SORCS2: variants seen among roughly 807,000 people sequenced by gnomAD.
SORCS2 encodes VPS10 domain-containing receptor SorCS2.
SORCS2 carries 100 observed loss-of-function variants against 141.6 expected under a neutral mutation model. That is an observed-to-expected ratio of 0.71 (90% CI 0.60 to 0.83). The LOEUF (loss-of-function observed/expected upper bound fraction) is 0.83, where lower values mean the gene tolerates loss of function less well. Among genes scored for constraint, SORCS2 ranks in the 40% least tolerant of loss-of-function variants. The pLI, the probability that SORCS2 is intolerant of heterozygous loss-of-function variation, is 0.00. For missense variants in SORCS2, 1,646 were observed against 1,560.2 expected (o/e 1.05, Z -0.93); for synonymous variants, 789 against 676.9 (o/e 1.17, Z -2.57).
At chr4:7,733,271 G>T in intron 23 of SORCS2, 51 bp from the exon 24 acceptor site, 1 of 1,394,850 alleles carries the variant, frequency 7.2e-7, no homozygotes, top group African/African-American at 1.5e-5. Flanking sequence ...TTCCCTTTTG[G>T]CAGAGGAGCC....
intron 1 of SORCS2, among the ~76,000 whole-genome samples, chr4:7,223,348 T>C (rs1235299500): frequency 6.6e-6 from 1 of 152,138 alleles, no homozygotes; most frequent in Non-Finnish European, 1.5e-5. Context: ...TTATTCTTTG[T>C]GCACCTAATG....
intron 2 of SORCS2, among the ~76,000 whole-genome samples, chr4:7,469,270 T>TTGGTGATGA (rs1729826608): frequency 6.8e-6 from 1 of 148,064 alleles, no homozygotes; most frequent in African/African-American, 2.6e-5. Flanking sequence ...AATGGTGGTG[T>TTGGTGATGA]TGGTGATGAT....
chr4:7,561,003 A>C (rs1714496948), intron 3 of SORCS2, among the ~76,000 whole-genome samples: 1 of 152,074 alleles, frequency 6.6e-6, no homozygotes. Context: ...ACTGCAGTTA[A>C]TGTATGGGGG....
intron 3 of SORCS2, among the ~76,000 whole-genome samples, chr4:7,541,723 G>A (rs1022655069): frequency 6.6e-6 from 1 of 152,248 alleles, no homozygotes; most frequent in African/African-American, 2.4e-5. Flanking sequence ...CAGCCAGGCT[G>A]AGAGGTGGGG....
intron 3 of SORCS2, among the ~76,000 whole-genome samples, chr4:7,598,887 C>G (rs1717463412): frequency 6.6e-6 from 1 of 152,216 alleles, no homozygotes; most frequent in Non-Finnish European, 1.5e-5. Context: ...TAAGGTGTCA[C>G]TGCCGCAGCA....
At position 7,675,901 on chromosome 4, in the gene SORCS2, C is replaced by A; in HGVS notation, c.1162-149C>A. 3.9e-6 allele frequency: 3 copies of A among 770,686 alleles called. No individual in the cohort carries two copies. In the South Asian group the frequency reaches 5.3e-5, roughly 14 times the overall value. The allele number at this position is 770,686 out of a possible 1,614,324, so 47.7% of individuals were successfully genotyped here. On this transcript the variant is annotated intron_variant, in intron 8 of 26. Transcript: ENST00000507866. The stretch of plus-strand genomic sequence containing the variant: ...TTGTGCAAGGCCACAGAGCCCAGAG[C>A]AGCCGAGCCAGGAGGCAAACCTAGG...
chr4:7,302,498 C>T lies in SORCS2; in HGVS notation c.481-93790C>T, dbSNP rs114144759. Among the ~76,000 whole-genome samples the T allele has an allele frequency of 7.1e-3, 1,079 of 152,302 alleles. 11 individuals carry two copies. The highest frequency in any genetic ancestry group is 0.024 in the African/African-American group (994 of 41,558). On this transcript the variant is annotated intron_variant, in intron 1 of 26. Transcript: ENST00000507866. ...TCTGCCTGGCTCTCTGCCCCTCCTT[C>T]GGGAGCTGCACGGTCCCCACTTTCC... is the stretch of plus-strand genomic sequence containing the variant.
At position 7,364,004 on chromosome 4, in the gene SORCS2, A is replaced by G. The variant is rs1279168819; in HGVS notation, c.481-32284A>G. Reference sequence around the variant, plus strand: ...ATAACCATGCCTCACCATCATCATCACCATCACCACCATTGTGGTGTATCA... The same window carrying G: ...ATAACCATGCCTCACCATCATCATCGCCATCACCACCATTGTGGTGTATCA... On this transcript the variant is annotated intron_variant, in intron 1 of 26. Coordinates refer to ENST00000507866, the MANE Select transcript of SORCS2 (RefSeq NM_020777.3). Among the ~76,000 whole-genome samples, 79 of 108,280 alleles carry G rather than the reference A, an allele frequency of 7.3e-4. 1 individual carries two copies. Among genetic ancestry groups the G allele is most frequent in the Non-Finnish European group, 8.4e-4 (46 of 54,500 alleles). 71.0% of individuals were successfully genotyped at this position (108,280 alleles called of 152,430 possible).
At chr4:7,685,877 C>T (rs1046093226) in intron 10 of SORCS2, among the ~76,000 whole-genome samples, 2 of 151,994 alleles carry the variant, frequency 1.3e-5, no homozygotes, top group Non-Finnish European at 2.9e-5. Flanking sequence ...GAGGACTTAG[C>T]GCTCATAAAA....
At chr4:7,377,269 A>G (rs529751723) in intron 1 of SORCS2, among the ~76,000 whole-genome samples, 1 of 152,104 alleles carries the variant, frequency 6.6e-6, no homozygotes, top group Non-Finnish European at 1.5e-5. Context: ...GGCTTGTTAT[A>G]AAGAAATGCT....
intron 1 of SORCS2, among the ~76,000 whole-genome samples, chr4:7,212,469 G>T (rs1728110986): frequency 3.3e-5 from 5 of 152,216 alleles, no homozygotes; most frequent in Admixed American, 3.3e-4. Flanking sequence ...ATGTCCAGGG[G>T]GCTGGCTTCA....
chr4:7,613,362 C>G (rs182908299), intron 3 of SORCS2, among the ~76,000 whole-genome samples: 25 of 152,336 alleles, frequency 1.6e-4, no homozygotes, highest in Middle Eastern at 3.4e-3. Flanking sequence ...CAGCGGGGCT[C>G]TGCGTGGCCA....
rs115671621 is a variant in SORCS2, at chr4:7,534,697, G to A, written c.648+3068G>A. 8.9e-3 allele frequency among the ~76,000 whole-genome samples: 1,356 copies of A among 152,268 alleles called. 24 individuals carry two copies. The highest frequency in any genetic ancestry group is 0.031 in the African/African-American group (1,306 of 41,540). On this transcript the variant is annotated intron_variant, in intron 3 of 26. Transcript: ENST00000507866. ...GGGCAGGGCCTGGTTGGGGCCACAA[G>A]CCAAGGAAAGCAGGCGCCTCCGGAA...
At chr4:7,653,681 C>A (rs575932387) in intron 4 of SORCS2, among the ~76,000 whole-genome samples, 1 of 152,296 alleles carries the variant, frequency 6.6e-6, no homozygotes, top group South Asian at 2.1e-4. Context: ...CAGGCCCCAG[C>A]CCACCTGCGC....
intron 2 of SORCS2, among the ~76,000 whole-genome samples, chr4:7,458,990 A>AG (rs1472414018): frequency 7.2e-5 from 11 of 152,032 alleles, no homozygotes; most frequent in African/African-American, 2.7e-4. Context: ...GGGGGCCGGC[A>AG]GGGGGTGCAT....
chr4:7,446,600 C>G (rs1396079594), intron 2 of SORCS2, among the ~76,000 whole-genome samples: 1 of 152,174 alleles, frequency 6.6e-6, no homozygotes, highest in Admixed American at 6.5e-5. Context: ...TTGTCCCCAG[C>G]ATGACCCTGA....
chr4:7,625,771 AAAG>A (rs1218486490), intron 3 of SORCS2, among the ~76,000 whole-genome samples: 9 of 152,014 alleles, frequency 5.9e-5, no homozygotes, highest in African/African-American at 2.2e-4. Context: ...GGGAGGGAAG[AAAG>A]AAGGTAGAGA....
intron 3 of SORCS2, among the ~76,000 whole-genome samples, chr4:7,603,323 C>T (rs1260701653): frequency 1.3e-5 from 2 of 152,126 alleles, no homozygotes; most frequent in Non-Finnish European, 2.9e-5. Flanking sequence ...GTAAAAGTTT[C>T]CTTTAACTTT....
chr4:7,737,269 C>G, intron 26 of SORCS2, 97 bp downstream of exon 26: 1 of 1,503,646 alleles, frequency 6.7e-7, no homozygotes, highest in South Asian at 1.3e-5. Context: ...CGCTGGGCCG[C>G]TGGGGCCAGC....
Sources: allele counts gnomAD v4.1 joint callset (sites outside exome capture counted in the v4.1 genomes callset), GRCh38; gene constraint gnomAD v4.1.1; transcripts MANE v1.5; gene names NCBI Gene and HGNC (gene_info 2026-07-23, HGNC 2026-07-21).